OSBP2: variants seen among roughly 807,000 people sequenced by gnomAD.
The protein encoded by OSBP2 is oxysterol binding protein 2.
OSBP2 carries 66 observed loss-of-function variants against 96.0 expected under a neutral mutation model. The ratio of observed to expected loss-of-function variants is 0.69; its 90% CI spans 0.56 to 0.84. The LOEUF (loss-of-function observed/expected upper bound fraction) is 0.84. Among genes scored for constraint, OSBP2 ranks in the 40% least tolerant of loss-of-function variants. The pLI, the probability that OSBP2 is intolerant of heterozygous loss-of-function variation, is 0.00. For synonymous variants in OSBP2, 525 were observed against 520.9 expected (o/e 1.01, Z -0.11); for missense variants, 1,038 against 1,222.7 (o/e 0.85, Z 2.25).
intron 2 of OSBP2, among the ~76,000 whole-genome samples, chr22:30,751,976 T>C (rs966939120): frequency 4.0e-5 from 6 of 151,740 alleles, no homozygotes; most frequent in South Asian, 2.1e-4. Flanking sequence ...GGAGGCGTGC[T>C]CACACTTCCC....
intron 2 of OSBP2, among the ~76,000 whole-genome samples, chr22:30,757,510 C>T (rs1288842130): frequency 2.6e-5 from 4 of 152,010 alleles, no homozygotes; most frequent in East Asian, 1.9e-4. Context: ...CTCCGCCTCC[C>T]GGGTTCAAGT....
chr22:30,744,107 C>G (rs567550996), intron 2 of OSBP2, among the ~76,000 whole-genome samples: 1 of 152,262 alleles, frequency 6.6e-6, no homozygotes, highest in South Asian at 2.1e-4. Context: ...GAAGGAAAAG[C>G]CTTCAGACGG....
intron 3 of OSBP2, among the ~76,000 whole-genome samples, chr22:30,877,260 G>A (rs1441159528): frequency 1.3e-5 from 2 of 152,130 alleles, no homozygotes. Context: ...TTTTGACTCT[G>A]ATAAAAGCTA....
intron 1 of OSBP2, among the ~76,000 whole-genome samples, chr22:30,724,404 A>G (rs981281087): frequency 1.3e-5 from 2 of 152,058 alleles, no homozygotes; most frequent in Admixed American, 6.6e-5. Context: ...TATTTTTAGT[A>G]GAGATGGGGT....
At chr22:30,695,908 C>T (rs1373361258) in intron 1 of OSBP2, among the ~76,000 whole-genome samples, 1 of 152,086 alleles carries the variant, frequency 6.6e-6, no homozygotes, top group Non-Finnish European at 1.5e-5. Context: ...CTTTCTGGTT[C>T]GGGAGCTAAC....
intron 2 of OSBP2, among the ~76,000 whole-genome samples, chr22:30,768,100 C>T (rs1219244457): frequency 1.3e-5 from 2 of 152,090 alleles, no homozygotes; most frequent in African/African-American, 4.8e-5. Flanking sequence ...GAAAGAGGCC[C>T]AGGGTGAATG....
chr22:30,840,398 G>C (rs1283318738), intron 2 of OSBP2, among the ~76,000 whole-genome samples: 1 of 151,632 alleles, frequency 6.6e-6, no homozygotes, highest in Non-Finnish European at 1.5e-5. Context: ...TTGTTCATTA[G>C]CTCTAGAATA....
chr22:30,733,762 G>A (rs1032467108), intron 1 of OSBP2, among the ~76,000 whole-genome samples: 2 of 152,158 alleles, frequency 1.3e-5, no homozygotes, highest in South Asian at 4.1e-4. Context: ...TCTGATTGCT[G>A]GAATCCTTGA....
At chr22:30,764,386 C>G (rs2090244523) in intron 2 of OSBP2, 1 of 985,426 alleles carries the variant, frequency 1.0e-6, no homozygotes, top group Non-Finnish European at 1.2e-6. Context: ...TGAAAATCCT[C>G]TAACAGGTAG....
chr22:30,858,245 C>T (rs889626688), intron 2 of OSBP2, among the ~76,000 whole-genome samples: 33 of 150,590 alleles, frequency 2.2e-4, no homozygotes, highest in Non-Finnish European at 4.1e-4. Flanking sequence ...TTCCCGGGTT[C>T]ACGCCATTCT....
At chr22:30,767,018 A>C (rs2090280354) in intron 2 of OSBP2, among the ~76,000 whole-genome samples, 2 of 151,830 alleles carry the variant, frequency 1.3e-5, no homozygotes, top group South Asian at 2.1e-4. Context: ...TAAAAACCTC[A>C]GAACAGTTGG....
At chr22:30,826,494 C>A (rs1244403704) in intron 2 of OSBP2, among the ~76,000 whole-genome samples, 7 of 152,190 alleles carry the variant, frequency 4.6e-5, no homozygotes, top group Non-Finnish European at 7.3e-5. Context: ...TCTAGTTCAT[C>A]CTGAAGTTTC....
chr22:30,874,054 T>C (rs1265252425), intron 3 of OSBP2, among the ~76,000 whole-genome samples: 1 of 152,160 alleles, frequency 6.6e-6, no homozygotes, highest in Non-Finnish European at 1.5e-5. Flanking sequence ...ATGGCCAACA[T>C]GGTGAAACCC....
At chr22:30,782,126 G>C (rs558845442) in intron 2 of OSBP2, among the ~76,000 whole-genome samples, 64 of 152,250 alleles carry the variant, frequency 4.2e-4, no homozygotes, top group African/African-American at 1.5e-3. Flanking sequence ...AGCCACGGCG[G>C]CAGAGTGAGA....
intron 12 of OSBP2, among the ~76,000 whole-genome samples, chr22:30,895,930 T>A (rs548924924): frequency 4.4e-4 from 66 of 148,352 alleles, no homozygotes; most frequent in Non-Finnish European, 7.7e-4. Context: ...AAAAAAAAAA[T>A]GAAAACAGTA....
intron 1 of OSBP2, 140 bp from the exon 2 acceptor site, chr22:30,741,021 G>A (rs1372710268): frequency 8.9e-6 from 6 of 671,040 alleles, no homozygotes; most frequent in Non-Finnish European, 1.6e-5. Context: ...GTTCCAATAG[G>A]CATCATCTCC....
Position 30,714,667 on chromosome 22 carries a change from A to G in OSBP2, c.644+19114A>G, listed in dbSNP as rs578109434. 2.0e-5 allele frequency among the ~76,000 whole-genome samples: 3 copies of G among 152,216 alleles called. No homozygotes were observed. In the South Asian group the frequency reaches 6.2e-4, roughly 32 times the overall value. ...GGAGTTTCACTCTTGCCCAGGCTGG[A>G]GTGCAATGGTGTGATCTTGGCTTAC... is the stretch of plus-strand genomic sequence containing the variant. On this transcript the variant is annotated intron_variant, in intron 1 of 13. Transcript: ENST00000332585.
At chr22:30,785,566 C>CA (rs762870932) in intron 2 of OSBP2, among the ~76,000 whole-genome samples, 676 of 47,760 alleles carry the variant, frequency 0.014, 6 homozygotes, top group East Asian at 0.049. Flanking sequence ...GACTTCGTCT[C>CA]AAAAAAAAAA....
chr22:30,852,661 A>T (rs560659345), intron 2 of OSBP2, among the ~76,000 whole-genome samples: 1 of 151,770 alleles, frequency 6.6e-6, no homozygotes, highest in Non-Finnish European at 1.5e-5. Flanking sequence ...TCTCTATTTT[A>T]TTCTACTCAC....
Sources: allele counts gnomAD v4.1 joint callset (sites outside exome capture counted in the v4.1 genomes callset), GRCh38; gene constraint gnomAD v4.1.1; transcripts MANE v1.5; gene names NCBI Gene and HGNC (gene_info 2026-07-23, HGNC 2026-07-21).